SLC9A7: variants seen among roughly 807,000 people sequenced by gnomAD.
The protein encoded by SLC9A7 is solute carrier family 9 member A7.
In SLC9A7, 19 loss-of-function variants were observed where a neutral mutation model predicts 52.6. The ratio of observed to expected loss-of-function variants is 0.36; its 90% CI spans 0.25 to 0.53. SLC9A7 has a LOEUF of 0.53. Ranked by LOEUF, SLC9A7 falls within the 20% of genes least tolerant of loss-of-function variation. The pLI is 0.91. For synonymous variants in SLC9A7, 226 were observed against 252.1 expected (o/e 0.90, Z 0.98); for missense variants, 455 against 597.9 (o/e 0.76, Z 2.49).
chrX:46,725,659 C>G, intron 1 of SLC9A7: 10 of 1,183,903 alleles, frequency 8.4e-6, no homozygotes, highest in Non-Finnish European at 1.1e-5. Flanking sequence ...GCAGGACCCT[C>G]TCTCATCTTC....
At chrX:46,746,711 T>C (rs887348922) in intron 1 of SLC9A7, among the ~76,000 whole-genome samples, 1 of 112,174 alleles carries the variant, frequency 8.9e-6, no homozygotes, top group Non-Finnish European at 1.9e-5. Flanking sequence ...ATTAATACAA[T>C]CACTATGGAG....
intron 1 of SLC9A7, among the ~76,000 whole-genome samples, chrX:46,746,531 AT>A (rs1027696049): frequency 8.9e-6 from 1 of 112,546 alleles, no homozygotes; most frequent in Non-Finnish European, 1.9e-5. Flanking sequence ...CAACCAGCAT[AT>A]GAAAAAATGC....
At chrX:46,669,741 T>C (rs761647377) in intron 4 of SLC9A7, 22 bp from the exon 5 acceptor site, 2 of 866,372 alleles carry the variant, frequency 2.3e-6, no homozygotes, top group Non-Finnish European at 3.3e-6. Context: ...TAAGGTAAAC[T>C]ATGTCAGGAG....
intron 1 of SLC9A7, among the ~76,000 whole-genome samples, chrX:46,757,759 G>C (rs1329569969): frequency 2.8e-5 from 3 of 108,568 alleles, no homozygotes; most frequent in Non-Finnish European, 5.7e-5. Context: ...GGGGGAGGCA[G>C]GGGGCACAGA....
chrX:46,641,453 A>G (rs1943404779), intron 12 of SLC9A7, among the ~76,000 whole-genome samples: 1 of 112,059 alleles, frequency 8.9e-6, no homozygotes, highest in Non-Finnish European at 1.9e-5. Flanking sequence ...CTACTAGGTG[A>G]CCAGACAAAC....
At chrX:46,691,137 A>T (rs1037536909) in intron 1 of SLC9A7, among the ~76,000 whole-genome samples, 7 of 109,509 alleles carry the variant, frequency 6.4e-5, no homozygotes, top group African/African-American at 1.6e-4. Context: ...ACAGAGACTA[A>T]ATAGTTATTT....
chrX:46,755,824 A>G (rs1444286299), intron 1 of SLC9A7, among the ~76,000 whole-genome samples: 2 of 23,885 alleles, frequency 8.4e-5, no homozygotes, highest in South Asian at 2.0e-3. Flanking sequence ...TCCGTCTTGG[A>G]AAAAAAAAAA....
chrX:46,721,338 T>G lies in SLC9A7; in HGVS notation c.325+37367A>C, dbSNP rs1944857129. ...GAGAACACACAAGATACATTTGCAC[T>G]GTTCTATTGTTATAAGCCAGCAGAA... On this transcript the variant is annotated intron_variant, in intron 1 of 16. Coordinates refer to ENST00000616978, the MANE Select transcript of SLC9A7 (RefSeq NM_001257291.2). 2.7e-5 allele frequency among the ~76,000 whole-genome samples: 3 copies of G among 111,686 alleles called. No homozygotes were observed. The Admixed American group carries it at 2.9e-4, about 11-fold the overall frequency.
intron 1 of SLC9A7, among the ~76,000 whole-genome samples, chrX:46,715,856 C>T (rs1257273475): frequency 8.9e-6 from 1 of 111,792 alleles, no homozygotes; most frequent in Non-Finnish European, 1.9e-5. Context: ...GTTCTGAGCA[C>T]ATTTTCGGTC....
intron 1 of SLC9A7, among the ~76,000 whole-genome samples, chrX:46,751,889 T>G (rs782282963): frequency 1.8e-5 from 2 of 112,013 alleles, no homozygotes; most frequent in East Asian, 5.6e-4. Context: ...TGTCAAACAG[T>G]GTTAATCAGT....
chrX:46,758,580 G>T (rs1922854427), intron 1 of SLC9A7, 125 bp downstream of exon 1: 2 of 416,805 alleles, frequency 4.8e-6, no homozygotes, highest in Non-Finnish European at 7.8e-6. Context: ...AACCAACACC[G>T]TCGCAGCGGG....
chrX:46,745,467 G>GA (rs1245018435), intron 1 of SLC9A7, among the ~76,000 whole-genome samples: 2 of 111,658 alleles, frequency 1.8e-5, no homozygotes, highest in African/African-American at 6.5e-5. Context: ...CCATTCAAAG[G>GA]AAAAAAATTG....
In SLC9A7 at chrX:46,758,952, C is replaced by G; in HGVS notation, c.78G>C (p.Pro26=). 9.3e-7 allele frequency: 1 copy of G among 1,077,521 alleles called. No homozygotes were observed. Among genetic ancestry groups the G allele is most frequent in the Non-Finnish European group, 1.2e-6 (1 of 834,444 alleles). 88.8% of individuals were successfully genotyped at this position (1,077,521 alleles called of 1,213,427 possible). Residue 26 remains proline, a synonymous_variant, in exon 1 of 17, where the codon CCG becomes CCC. Transcript: ENST00000616978. ...GAPPPRLLLL[P]LLLGWGLRVA... is the part of the protein sequence containing the mutation. ...CTCGCAGCCCCCAACCCAGCAGCAG[C>G]GGCAGCAGCAGCAGCCGCGGCGGCG...
chrX:46,739,108 T>C (rs1456738603), intron 1 of SLC9A7, among the ~76,000 whole-genome samples: 4 of 112,012 alleles, frequency 3.6e-5, no homozygotes, highest in Admixed American at 1.9e-4. Flanking sequence ...ATAGCTGATG[T>C]GAGGTTTTTT....
In SLC9A7 at chrX:46,653,197, C is replaced by T. The variant is rs770639560; in HGVS notation, c.1147+412G>A. Among the ~76,000 whole-genome samples, 3 of 110,950 alleles carry T rather than the reference C, an allele frequency of 2.7e-5. No individual in the cohort carries two copies. In the South Asian group the frequency reaches 1.2e-3, roughly 43 times the overall value. On this transcript the variant is annotated intron_variant, in intron 8 of 16. Transcript: ENST00000616978. ...TTCACTTAAGGTCAGGAGTTTGAGA[C>T]CAGCCTGGACAACATAGCAAATGTT...
chrX:46,726,846 T>C (rs747434636), intron 1 of SLC9A7, among the ~76,000 whole-genome samples: 1 of 111,250 alleles, frequency 9.0e-6, no homozygotes, highest in African/African-American at 3.3e-5. Flanking sequence ...ATAGGCAAGA[T>C]GTTTGCGGAT....
intron 1 of SLC9A7, among the ~76,000 whole-genome samples, chrX:46,696,175 AG>A (rs1189008115): frequency 9.1e-6 from 1 of 109,829 alleles, no homozygotes; most frequent in Admixed American, 9.8e-5. Flanking sequence ...TAGTAGAGAC[AG>A]GGTTTCTCCA....
chrX:46,612,387 C>T (rs1490003316), intron 16 of SLC9A7, among the ~76,000 whole-genome samples: 3 of 111,652 alleles, frequency 2.7e-5, no homozygotes, highest in Non-Finnish European at 5.6e-5. Context: ...ACCCTGCAAC[C>T]CACACCAGGA....
chrX:46,648,730 C>T lies in SLC9A7; in HGVS notation c.1418G>A (p.Arg473Lys). 8.3e-7 allele frequency: 1 copy of T among 1,211,495 alleles called. No homozygotes were observed. Among genetic ancestry groups the T allele is most frequent in the East Asian group, 3.0e-5 (1 of 33,859 alleles). ...TTGAAAATTCCAGCCAATCTTATGC[C>T]TTCTGCCCAAGTTGAGGAAGAAGGA... is the stretch of plus-strand genomic sequence containing the variant. The part of the protein sequence containing the change: ...PLSFFLNLGR[R>K]HKIGWNFQHM... Residue 473 changes from arginine (R) to lysine (K), a missense_variant, in exon 11 of 17, where the codon AGG becomes AAG. Physicochemically the swap from Arg to Lys is conservative, Grantham distance 26. Transcript: ENST00000616978.
Sources: allele counts gnomAD v4.1 joint callset (sites outside exome capture counted in the v4.1 genomes callset), GRCh38; gene constraint gnomAD v4.1.1; transcripts MANE v1.5; gene names NCBI Gene and HGNC (gene_info 2026-07-23, HGNC 2026-07-21).